POLD1: variants seen among roughly 807,000 people sequenced by gnomAD.
POLD1 encodes DNA polymerase delta 1, catalytic subunit.
Under a neutral mutation model 129.7 loss-of-function variants are expected in POLD1, and 79 were observed. The observed-to-expected ratio is 0.61, with a 90% confidence interval of 0.51 to 0.73. POLD1 has a LOEUF of 0.73. Ranked by LOEUF, POLD1 falls within the 30% of genes least tolerant of loss-of-function variation. The pLI is 0.00. For synonymous variants in POLD1, 714 were observed against 683.3 expected, an observed-to-expected ratio of 1.04 and a Z score of -0.70; for missense variants, 1,338 against 1,595.8, an observed-to-expected ratio of 0.84 and a Z score of 2.75.
chr19:50,406,215 G>A lies in POLD1; in HGVS notation c.1276G>A (p.Gly426Ser), dbSNP rs1060501840. ...ATTCCCTTTCCTGGGCCGTGTGGCC[G>A]GCCTTTGCTCCAACATCCGGGACTC... Reference protein sequence around the residue: ...QTFPFLGRVAGLCSNIRDSSF... With the variant: ...QTFPFLGRVASLCSNIRDSSF... Residue 426 changes from glycine to serine, a missense_variant, in exon 11 of 27, where the codon GGC becomes AGC. Around this residue, in one of 3 missense-constraint regions of POLD1, gnomAD observed 720 missense variants for 1,002.6 expected, o/e 0.72. Transcript: ENST00000440232. The surrounding 1 kb of genome is among the most constrained non-coding windows in gnomAD (Gnocchi z 5.5). 21 of 1,613,794 alleles carry A rather than the reference G, an allele frequency of 1.3e-5. No homozygotes were observed. Among genetic ancestry groups the A allele is most frequent in the African/African-American group, 8.0e-5 (6 of 74,898 alleles).
At position 50,393,696 on chromosome 19, in the gene POLD1, G is replaced by T. The variant is rs149955185; in HGVS notation, c.-1-5155G>T. ...AGAGAGAAAGTAATAATAAAGCAAA[G>T]AATTCAGTTGGTACGTTCACAGTGT... On this transcript the variant is annotated intron_variant, in intron 1 of 26. Transcript: ENST00000440232. Among the ~76,000 whole-genome samples, 760 of 152,184 alleles carry T rather than the reference G, an allele frequency of 5.0e-3. 12 individuals carry two copies. The highest frequency in any genetic ancestry group is 0.021 in the East Asian group (109 of 5,174).
At chr19:50,410,009 C>T (rs551705948) in intron 17 of POLD1, among the ~76,000 whole-genome samples, 16 of 152,284 alleles carry the variant, frequency 1.1e-4, no homozygotes, top group African/African-American at 3.6e-4. Flanking sequence ...AGCTTTGCAG[C>T]CGGATAAAGC....
chr19:50,384,592 C>T (rs1297093305), intron 1 of POLD1, among the ~76,000 whole-genome samples: 1 of 134,196 alleles, frequency 7.5e-6, no homozygotes, highest in Non-Finnish European at 1.6e-5. Flanking sequence ...TGGAATTCCT[C>T]GGCGGGCAGG....
intron 9 of POLD1, 24 bp downstream of exon 9, chr19:50,403,243 A>G (rs1421715409): frequency 9.2e-6 from 14 of 1,523,836 alleles, no homozygotes; most frequent in African/African-American, 1.4e-5. Context: ...CACGCCCCAC[A>G]CCATTTCCCG....
At position 50,416,665 on chromosome 19, in the gene POLD1, G is replaced by A. The variant is rs747794145; in HGVS notation, c.3009G>A (p.Leu1003=). The change falls in exon 24 of 27, where the codon CTG becomes CTA. Residue 1003 remains leucine (L), a synonymous_variant. Coordinates refer to ENST00000440232, the MANE Select transcript of POLD1 (RefSeq NM_002691.4). The part of the protein sequence containing the change: ...TVLTGKVGGL[L]AFAKRRNCCI... ...TCACGGGCAAGGTGGGCGGCCTCCT[G>A]GCCTTCGCCAAACGCCGCAACTGCT... 4 of 1,561,462 alleles carry A rather than the reference G, an allele frequency of 2.6e-6. No individual in the cohort carries two copies. The highest frequency in any genetic ancestry group is 1.9e-5 in the Admixed American group (1 of 53,388).
Position 50,409,116 on chromosome 19 carries a change from A to C in POLD1, c.1893-6A>C, listed in dbSNP as rs963949260. The C allele has an allele frequency of 3.0e-5, 48 of 1,600,662 alleles. No homozygotes were observed. Among genetic ancestry groups the C allele is most frequent in the Non-Finnish European group, 1.2e-5 (14 of 1,168,094 alleles). ...CCGGCAGTCACCCCAACATCTTCCAACCCAGCCTGACTGAGGATCAGTTCA... is the reference window on the plus strand; with the variant it reads ...CCGGCAGTCACCCCAACATCTTCCACCCCAGCCTGACTGAGGATCAGTTCA... On this transcript the variant is annotated splice_region_variant and splice_polypyrimidine_tract_variant and intron_variant, in intron 15 of 26. Coordinates refer to ENST00000440232, the MANE Select transcript of POLD1 (RefSeq NM_002691.4). This position sits in a 1 kb window ranked among gnomAD's most constrained non-coding sequence, Gnocchi z 5.8.
At chr19:50,400,133 A>ATTTTTTT (rs71182715) in intron 3 of POLD1, among the ~76,000 whole-genome samples, 5 of 48,152 alleles carry the variant, frequency 1.0e-4, no homozygotes, top group South Asian at 1.5e-3. Flanking sequence ...TTTTTAAAAG[A>ATTTTTTT]TTTTTTTTTT....
chr19:50,398,731 G>T, intron 1 of POLD1, 120 bp from the exon 2 acceptor site: 9 of 1,473,294 alleles, frequency 6.1e-6, no homozygotes, highest in African/African-American at 1.4e-5. Flanking sequence ...AGCTATGTTA[G>T]TACAGCCAGT....
At chr19:50,414,025 C>T in intron 19 of POLD1, 146 bp downstream of exon 19, 1 of 805,966 alleles carries the variant, frequency 1.2e-6, no homozygotes, top group African/African-American at 1.7e-5. Context: ...TTTGGGAAGC[C>T]TCCAAGGCCT....
chr19:50,408,579 T>A, intron 14 of POLD1: 1 of 721,182 alleles, frequency 1.4e-6, no homozygotes, highest in Non-Finnish European at 2.2e-6. Context: ...GATAGGGTTT[T>A]GCCATGTTGC....
intron 1 of POLD1, among the ~76,000 whole-genome samples, chr19:50,391,422 G>A (rs938308213): frequency 8.2e-4 from 125 of 152,338 alleles, no homozygotes; most frequent in Admixed American, 1.2e-3. Context: ...AGCACTGAGT[G>A]AGCGAGACTC....
intron 3 of POLD1, among the ~76,000 whole-genome samples, chr19:50,400,782 T>C (rs1354135916): frequency 6.6e-6 from 1 of 150,724 alleles, no homozygotes; most frequent in African/African-American, 2.4e-5. Flanking sequence ...CTGCAAGCTC[T>C]GCCTCCCAGG....
chr19:50,386,389 C>CG lies in POLD1; in HGVS notation c.-2+2001dup, dbSNP rs938264937. ...CTGACCTCAAGTAATCCTCCCACCT[C>CG]GGCCTCCCAAAGTGCTGGGATTACA... On this transcript the variant is annotated intron_variant, in intron 1 of 26. Transcript: ENST00000440232. Among the ~76,000 whole-genome samples, 111 of 152,254 alleles carry CG rather than the reference C, an allele frequency of 7.3e-4. 2 individuals carry two copies. Among genetic ancestry groups the CG allele is most frequent in the Non-Finnish European group, 5.3e-4 (36 of 68,016 alleles).
rs756232002 is a variant in POLD1 at position 50,417,838 on chromosome 19, G to A, written c.3219-4G>A. Reference sequence around the variant, plus strand: ...CCTGACCCTGCCCCTGCCCCCACCCGCAGCCGGGACTGCCCCATCTTCTAC... The same window carrying A: ...CCTGACCCTGCCCCTGCCCCCACCCACAGCCGGGACTGCCCCATCTTCTAC... On this transcript the variant is annotated splice_polypyrimidine_tract_variant and splice_region_variant and intron_variant, in intron 26 of 26. Coordinates refer to ENST00000440232, the MANE Select transcript of POLD1 (RefSeq NM_002691.4). The A allele has an allele frequency of 1.6e-5, 26 of 1,576,500 alleles. No individual in the cohort carries two copies. Among genetic ancestry groups the A allele is most frequent in the East Asian group, 4.6e-5 (2 of 43,870 alleles).
chr19:50,401,812 A>G lies in POLD1; in HGVS notation c.351A>G (p.Pro117=). 1 of 1,613,410 alleles carries G rather than the reference A, an allele frequency of 6.2e-7. No homozygotes were observed. Among genetic ancestry groups the G allele is most frequent in the Non-Finnish European group, 8.5e-7 (1 of 1,179,858 alleles). ...PAQPVPGGPP[P]SRGSVPVLRA... is the part of the protein sequence containing the mutation. ...AGCCTGTGCCTGGGGGGCCCCCACC[A>G]TCCCGCGGCTCCGTGCCTGTGCTCC... Residue 117 remains proline, a synonymous_variant, in exon 4 of 27, where the codon CCA becomes CCG. Coordinates refer to ENST00000440232, the MANE Select transcript of POLD1 (RefSeq NM_002691.4).
intron 17 of POLD1, among the ~76,000 whole-genome samples, chr19:50,411,516 G>A (rs540646358): frequency 1.3e-5 from 2 of 152,294 alleles, no homozygotes; most frequent in South Asian, 2.1e-4. Context: ...TGTCTCTCAA[G>A]CTTATGGGAG....
At position 50,405,646 on chromosome 19, in the gene POLD1, G is replaced by A. The variant is rs147570440; in HGVS notation, c.1243-536G>A. On this transcript the variant is annotated intron_variant, in intron 10 of 26. Transcript: ENST00000440232. ...CCCAGTGTATATTCCACAGCGTGGC[G>A]CTGATGCCCGGGCCATGGTACTCCT... Among the ~76,000 whole-genome samples the A allele has an allele frequency of 2.3e-3, 350 of 152,186 alleles. 1 individual carries two copies. Among genetic ancestry groups the A allele is most frequent in the African/African-American group, 7.4e-3 (309 of 41,520 alleles).
chr19:50,403,301 G>A, intron 9 of POLD1, 82 bp downstream of exon 9: 1 of 1,394,394 alleles, frequency 7.2e-7, no homozygotes, highest in African/African-American at 1.4e-5. Flanking sequence ...CCTGGGTGCT[G>A]CGACGCCCAT....
In POLD1 at chr19:50,409,549, C is replaced by A. The variant is rs1283059353; in HGVS notation, c.2037C>A (p.Asp679Glu). 1 of 1,613,508 alleles carries A rather than the reference C, an allele frequency of 6.2e-7. No homozygotes were observed. Among genetic ancestry groups the A allele is most frequent in the South Asian group, 1.1e-5 (1 of 91,086 alleles). The change falls in exon 17 of 27, where the codon GAC (aspartate) becomes GAA (glutamate). Residue 679 changes from aspartate (D) to glutamate (E), a missense_variant. This residue lies in a region of POLD1 where 720 missense variants were observed against 1,002.6 expected (regional missense o/e 0.72). Coordinates refer to ENST00000440232, the MANE Select transcript of POLD1 (RefSeq NM_002691.4). This position sits in a 1 kb window ranked among gnomAD's most constrained non-coding sequence, Gnocchi z 5.8. ...AGGCCGAGCTGGCCAAGGAGACAGA[C>A]CCCCTCCGGCGCCAGGTCCTGGATG... ...RAKAELAKETDPLRRQVLDGR... is the reference protein window; with the variant it reads ...RAKAELAKETEPLRRQVLDGR...
Sources: gnomAD v4.1 joint callset for allele counts (sites outside exome capture counted in the v4.1 genomes callset) on GRCh38, gnomAD v4.1.1 for gene constraint, gnomAD v4.1.1 regional missense constraint, Gnocchi (gnomAD v3.1) non-coding constraint, MANE v1.5 for transcripts, NCBI Gene and HGNC (gene_info 2026-07-23, HGNC 2026-07-21) for gene names.